WNK3: variants seen among roughly 807,000 people sequenced by gnomAD.
WNK3 encodes the protein WNK lysine deficient protein kinase 3.
Under a neutral mutation model 116.7 loss-of-function variants are expected in WNK3, and 18 were observed. That is an observed-to-expected ratio of 0.15 (90% CI 0.11 to 0.23). The LOEUF is 0.23. WNK3 is among the 10% of genes least tolerant of loss of function. The pLI, the probability that WNK3 is intolerant of heterozygous loss-of-function variation, is 1.00. For missense variants in WNK3, 993 were observed against 1,323.8 expected (o/e 0.75, Z 3.88); for synonymous variants, 404 against 469.4 (o/e 0.86, Z 1.80).
At position 54,255,863 on chromosome X, in the gene WNK3, C is replaced by T. The variant is rs190200275; in HGVS notation, c.2127G>A (p.Thr709=). ...TATCAGGGCTACTGACGTTTTCCTT[C>T]GTAGTTGCCACATCTTGATTCAAGC... Residue 709 remains threonine (T), a synonymous_variant, in exon 12 of 24, where the codon ACG becomes ACA. Transcript: ENST00000354646. 12 of 1,199,474 alleles carry T rather than the reference C, an allele frequency of 1.0e-5. No homozygotes were observed. The African/African-American group carries it at 1.1e-4, about 11-fold the overall frequency.
intron 19 of WNK3, 22 bp downstream of exon 19, chrX:54,238,320 G>A: frequency 8.3e-7 from 1 of 1,200,459 alleles, no homozygotes; most frequent in Non-Finnish European, 1.1e-6. Flanking sequence ...TTGTAGATAA[G>A]GATTCAATCA....
chrX:54,273,178 C>A (rs1304577936), intron 10 of WNK3, among the ~76,000 whole-genome samples: 2 of 112,372 alleles, frequency 1.8e-5, no homozygotes, highest in South Asian at 3.6e-4. Flanking sequence ...TAATGTCAAT[C>A]CACATTATTC....
At chrX:54,251,440 G>A in exon 15 of WNK3, 1 of 1,187,841 alleles carries the variant, frequency 8.4e-7, no homozygotes, top group Non-Finnish European at 1.1e-6. Flanking sequence ...TACTTGTTCA[G>A]ATGACCCTGT....
intron 10 of WNK3, among the ~76,000 whole-genome samples, chrX:54,271,213 C>A (rs1267483930): frequency 9.0e-6 from 1 of 111,343 alleles, no homozygotes; most frequent in African/African-American, 3.3e-5. Flanking sequence ...TAAAGAATAC[C>A]ACCTATAAGC....
exon 24 of WNK3, chrX:54,196,850 A>T (rs1218290416): frequency 1.8e-5 from 2 of 111,808 alleles, no homozygotes; most frequent in African/African-American, 3.3e-5. Context: ...GTAAAGTGCA[A>T]CTTGACAGTG....
exon 18 of WNK3, chrX:54,238,911 T>C: frequency 8.3e-7 from 1 of 1,204,713 alleles, no homozygotes; most frequent in Non-Finnish European, 1.1e-6. Flanking sequence ...TTGACTGCCG[T>C]AGCCTGTATG....
intron 21 of WNK3, among the ~76,000 whole-genome samples, chrX:54,231,821 T>C (rs782598549): frequency 3.6e-4 from 40 of 110,907 alleles, no homozygotes; most frequent in Non-Finnish European, 7.0e-4. Context: ...ACAAGTTCCA[T>C]TGGGATTTCA....
At chrX:54,197,127 T>C (rs1011341907) in exon 24 of WNK3, 8 of 111,564 alleles carry the variant, frequency 7.2e-5, no homozygotes, top group African/African-American at 2.3e-4. Flanking sequence ...GAAGAATGGA[T>C]TGAGGTGTAG....
intron 20 of WNK3, among the ~76,000 whole-genome samples, chrX:54,236,173 G>T (rs781937182): frequency 3.6e-5 from 4 of 111,075 alleles, no homozygotes; most frequent in Admixed American, 2.9e-4. Flanking sequence ...AGTGGCGCAC[G>T]ATCTGGGCTC....
chrX:54,338,101 T>C (rs782511572), intron 1 of WNK3, among the ~76,000 whole-genome samples: 1 of 110,433 alleles, frequency 9.1e-6, no homozygotes, highest in East Asian at 2.9e-4. Context: ...GTCCATGGTG[T>C]TGGGAAAATT....
At chrX:54,269,520 A>G (rs1175570394) in intron 10 of WNK3, among the ~76,000 whole-genome samples, 2 of 111,782 alleles carry the variant, frequency 1.8e-5, no homozygotes, top group African/African-American at 6.5e-5. Context: ...AATATAAGGT[A>G]TGGCTAAAAC....
At chrX:54,251,286 A>G (rs904580939) in intron 15 of WNK3, 113 bp downstream of exon 15, 8 of 537,709 alleles carry the variant, frequency 1.5e-5, no homozygotes, top group Non-Finnish European at 2.4e-5. Context: ...ACCTACACTA[A>G]TAAGTTACCA....
At chrX:54,353,078 TG>T (rs1343297494) in intron 1 of WNK3, among the ~76,000 whole-genome samples, 1 of 112,102 alleles carries the variant, frequency 8.9e-6, no homozygotes, top group Admixed American at 9.6e-5. Context: ...GACTGCTTAC[TG>T]GGAACAGAAT....
intron 1 of WNK3, among the ~76,000 whole-genome samples, chrX:54,345,865 C>G (rs2069416845): frequency 9.2e-6 from 1 of 109,177 alleles, no homozygotes; most frequent in Non-Finnish European, 1.9e-5. Context: ...GAGATCATCT[C>G]TATCTTGAGG....
At chrX:54,356,277 C>CA (rs1412820912) in intron 1 of WNK3, among the ~76,000 whole-genome samples, 4 of 110,336 alleles carry the variant, frequency 3.6e-5, no homozygotes, top group Non-Finnish European at 7.6e-5. Context: ...TCGTAATGAC[C>CA]AAAAAAAATG....
chrX:54,210,012 G>A (rs1557143450), intron 22 of WNK3, among the ~76,000 whole-genome samples: 1 of 111,592 alleles, frequency 9.0e-6, no homozygotes, highest in Non-Finnish European at 1.9e-5. Flanking sequence ...ACCACATTTC[G>A]CATTTGACCA....
chrX:54,211,729 G>A (rs2067616399), intron 22 of WNK3, among the ~76,000 whole-genome samples: 1 of 109,640 alleles, frequency 9.1e-6, no homozygotes, highest in South Asian at 3.9e-4. Flanking sequence ...AATCGCTTGA[G>A]CCCGGGAGGC....
At chrX:54,242,982 A>T (rs1169914759) in intron 17 of WNK3, among the ~76,000 whole-genome samples, 3 of 109,376 alleles carry the variant, frequency 2.7e-5, no homozygotes, top group Non-Finnish European at 5.7e-5. Context: ...GATTTTTTTT[A>T]TTTTATTTTA....
intron 10 of WNK3, among the ~76,000 whole-genome samples, chrX:54,261,918 T>A (rs2068260512): frequency 8.9e-6 from 1 of 112,044 alleles, no homozygotes; most frequent in Admixed American, 9.6e-5. Flanking sequence ...ATGGAATTGC[T>A]AGACATTTTT....
Sources: gnomAD v4.1 joint callset for allele counts (sites outside exome capture counted in the v4.1 genomes callset) on GRCh38, gnomAD v4.1.1 for gene constraint, MANE v1.5 for transcripts, NCBI Gene and HGNC (gene_info 2026-07-23, HGNC 2026-07-21) for gene names.